MELK: variants seen among roughly 807,000 people sequenced by gnomAD.
The protein encoded by MELK is pEg3 kinase.
A neutral mutation model predicts 85.0 loss-of-function variants in MELK; 81 were observed. The ratio of observed to expected loss-of-function variants is 0.95; its 90% confidence interval spans 0.80 to 1.15. The LOEUF is 1.15. Among genes scored for constraint, MELK ranks in the 50% most tolerant of loss-of-function variants. MELK has a pLI of 0.00. For missense variants in MELK, 754 were observed against 777.5 expected, an observed-to-expected ratio of 0.97 and a Z score of 0.36; for synonymous variants, 252 against 265.0, an observed-to-expected ratio of 0.95 and a Z score of 0.48.
chr9:36,623,562 A>G (rs2136277924), intron 8 of MELK, among the ~76,000 whole-genome samples: 1 of 152,308 alleles, frequency 6.6e-6, no homozygotes, highest in African/African-American at 2.4e-5. Flanking sequence ...TTGGATGGGG[A>G]CATTGCAGGA....
Position 36,671,101 on chromosome 9 carries a change from G to C in MELK, c.1609G>C (p.Val537Leu). ...GAGCCTTGAAAGGGGGTTGGATAAG[G>C]TTATCACTGTGCTCACCAGGAGCAA... ...FGSLERGLDK[V>L]ITVLTRSKRK... Residue 537 changes from valine to leucine, a missense_variant, in exon 16 of 18, where the codon GTT becomes CTT. By Grantham distance (32) the Val-to-Leu change is conservative. Coordinates refer to ENST00000298048, the MANE Select transcript of MELK (RefSeq NM_014791.4). The C allele has an allele frequency of 6.2e-7, 1 of 1,612,944 alleles. No individual in the cohort carries two copies.
At chr9:36,659,311 C>T (rs747116319) in intron 13 of MELK, among the ~76,000 whole-genome samples, 9 of 152,022 alleles carry the variant, frequency 5.9e-5, no homozygotes, top group Admixed American at 4.6e-4. Flanking sequence ...CCACCGTGCC[C>T]GGCCATACTT....
At chr9:36,585,946 T>G (rs1026977359) in intron 3 of MELK, among the ~76,000 whole-genome samples, 3 of 151,922 alleles carry the variant, frequency 2.0e-5, no homozygotes, top group East Asian at 1.9e-4. Context: ...TAAAAAAAGT[T>G]TTTTTTTGAT....
In MELK at chr9:36,651,576, A is replaced by G. The variant is rs369792770; in HGVS notation, c.922-170A>G. 4.1e-4 allele frequency among the ~76,000 whole-genome samples: 63 copies of G among 152,276 alleles called. 1 individual carries two copies. Among genetic ancestry groups the G allele is most frequent in the African/African-American group, 1.5e-3 (62 of 41,562 alleles). On this transcript the variant is annotated intron_variant, in intron 11 of 17. Coordinates refer to ENST00000298048, the MANE Select transcript of MELK (RefSeq NM_014791.4). ...GTTCCTTAGGGGGAGTGGAAATTGT[A>G]TGTGTGTGGAGGTGTGGTGCACTGG...
At chr9:36,599,978 C>T (rs955200735) in intron 7 of MELK, among the ~76,000 whole-genome samples, 24 of 152,180 alleles carry the variant, frequency 1.6e-4, no homozygotes, top group African/African-American at 5.5e-4. Context: ...CTCTGGAGTA[C>T]TAGTTTTGCT....
chr9:36,576,850 A>G (rs10972978), intron 1 of MELK, among the ~76,000 whole-genome samples: 22,067 of 152,090 alleles, frequency 0.15, 1,910 homozygotes, highest in African/African-American at 0.23. Flanking sequence ...CTTGCTGATA[A>G]TAATTTTCTT....
intron 10 of MELK, 21 bp from the exon 11 acceptor site, chr9:36,642,976 G>T: frequency 6.4e-7 from 1 of 1,570,516 alleles, no homozygotes; most frequent in Non-Finnish European, 8.7e-7. Context: ...TGTTAATAAA[G>T]TGCATAATTT....
intron 7 of MELK, among the ~76,000 whole-genome samples, chr9:36,600,641 T>C (rs1334842741): frequency 6.6e-6 from 1 of 152,212 alleles, no homozygotes; most frequent in Non-Finnish European, 1.5e-5. Flanking sequence ...TGCCTCGGCC[T>C]CCCAAAGTGC....
chr9:36,605,952 C>G (rs922407642), intron 7 of MELK, among the ~76,000 whole-genome samples: 20 of 139,404 alleles, frequency 1.4e-4, no homozygotes, highest in Middle Eastern at 3.6e-3. Flanking sequence ...GACCCTGTCT[C>G]TAAAAAAAAA....
At chr9:36,620,063 G>A (rs1303313196) in intron 8 of MELK, among the ~76,000 whole-genome samples, 1 of 152,172 alleles carries the variant, frequency 6.6e-6, no homozygotes, top group African/African-American at 2.4e-5. Flanking sequence ...GAAATGAAGG[G>A]ACAGAGACCT....
intron 12 of MELK, among the ~76,000 whole-genome samples, chr9:36,654,633 A>G (rs1831051397): frequency 6.6e-6 from 1 of 151,920 alleles, no homozygotes; most frequent in Non-Finnish European, 1.5e-5. Context: ...TGGGAACACA[A>G]GCGTGAACCA....
At chr9:36,609,647 TC>T (rs1331180921) in intron 8 of MELK, among the ~76,000 whole-genome samples, 18 of 152,072 alleles carry the variant, frequency 1.2e-4, no homozygotes, top group Non-Finnish European at 2.4e-4. Flanking sequence ...GATAGGATCT[TC>T]CCTATGTTAC....
intron 8 of MELK, among the ~76,000 whole-genome samples, chr9:36,617,095 A>T (rs1423813433): frequency 2.0e-5 from 3 of 152,184 alleles, no homozygotes; most frequent in Non-Finnish European, 4.4e-5. Flanking sequence ...TTTCTAGAAC[A>T]GTTGGTGGGT....
chr9:36,659,658 G>A (rs1274833893), intron 13 of MELK, among the ~76,000 whole-genome samples: 4 of 152,138 alleles, frequency 2.6e-5, no homozygotes, highest in South Asian at 2.1e-4. Context: ...TCTTTGTGCC[G>A]GCTCTGTGTA....
At chr9:36,654,020 A>AATCTTAT (rs59359062) in intron 12 of MELK, among the ~76,000 whole-genome samples, 136,947 of 151,706 alleles carry the variant, frequency 0.9, 61,859 homozygotes, top group East Asian at 0.92. Flanking sequence ...GAAGGGAGAT[A>AATCTTAT]TCCTGCATGG....
chr9:36,670,018 G>A (rs769334471), intron 15 of MELK, among the ~76,000 whole-genome samples: 19 of 152,150 alleles, frequency 1.2e-4, no homozygotes, highest in Non-Finnish European at 1.6e-4. Flanking sequence ...CAGAACCCAG[G>A]TCTTCTCATT....
intron 3 of MELK, among the ~76,000 whole-genome samples, chr9:36,585,024 C>T (rs563921482): frequency 6.6e-6 from 1 of 152,222 alleles, no homozygotes; most frequent in Non-Finnish European, 1.5e-5. Context: ...TGGCCTGTCC[C>T]AGCATTTTAT....
rs954109448 is a variant in MELK, at chr9:36,608,340, A to G, written c.666+667A>G. ...ATAACATTTTTAACAGTATATTGTT[A>G]TAATTATTCTATTTTATTATGTTAT... On this transcript the variant is annotated intron_variant, in intron 8 of 17. Transcript: ENST00000298048. 6.8e-5 allele frequency among the ~76,000 whole-genome samples: 10 copies of G among 147,998 alleles called. 1 individual carries two copies. Among genetic ancestry groups the G allele is most frequent in the Admixed American group, 5.5e-4 (8 of 14,646 alleles).
chr9:36,618,959 A>T (rs544855630), intron 8 of MELK, among the ~76,000 whole-genome samples: 5,096 of 141,628 alleles, frequency 0.036, 296 homozygotes, highest in African/African-American at 0.12. Flanking sequence ...AACTCTAAGT[A>T]TTTTTTTTTT....
Sources: gnomAD v4.1 joint callset for allele counts (sites outside exome capture counted in the v4.1 genomes callset) on GRCh38, gnomAD v4.1.1 for gene constraint, MANE v1.5 for transcripts, NCBI Gene and HGNC (gene_info 2026-07-23, HGNC 2026-07-21) for gene names.